Variants in NIPA2 observed in about 807,000 individuals in gnomAD.
NIPA2 encodes the protein NIPA magnesium transporter 2, also known as magnesium transporter NIPA2.
A neutral mutation model predicts 29.7 loss-of-function variants in NIPA2; 11 were observed. The observed-to-expected ratio is 0.37, with a 90% CI of 0.23 to 0.61. The LOEUF (loss-of-function observed/expected upper bound fraction) is 0.61, where lower values mean the gene tolerates loss of function less well. Ranked by LOEUF, NIPA2 falls within the 20% of genes least tolerant of loss-of-function variation. NIPA2 has a pLI of 0.66. For synonymous variants in NIPA2, 183 were observed against 161.9 expected (o/e 1.13, Z -0.99); for missense variants, 426 against 437.9 (o/e 0.97, Z 0.24).
chr15:22,863,919 G>GT (rs1266835820), intron 7 of NIPA2, among the ~76,000 whole-genome samples: 1 of 152,088 alleles, frequency 6.6e-6, no homozygotes, highest in African/African-American at 2.4e-5. Flanking sequence ...TTTGTTTGGG[G>GT]TTTTTTGTTG....
chr15:22,843,556 A>G (rs989867064), intron 2 of NIPA2, among the ~76,000 whole-genome samples: 1 of 151,812 alleles, frequency 6.6e-6, no homozygotes, highest in Non-Finnish European at 1.5e-5. Flanking sequence ...GGCCCTTACC[A>G]CATATCTTTT....
At chr15:22,838,972 T>G (rs1595664245) in intron 1 of NIPA2, 51 bp downstream of exon 1, 1 of 152,260 alleles carries the variant, frequency 6.6e-6, no homozygotes, top group East Asian at 1.9e-4. Flanking sequence ...GCTGACTTGG[T>G]GGCGAGCCAG....
rs762256872 is a variant in NIPA2, at chr15:22,851,745, G to A, written c.14G>A (p.Arg5His). Residue 5 changes from arginine (R) to histidine (H), a missense_variant, in exon 4 of 8, where the codon CGT (arginine) becomes CAT (histidine). By Grantham distance (29) the Arg-to-His change is conservative. Transcript: ENST00000337451. Reference protein sequence around the residue: MSQGRGKYDFYIGLG... With the variant: MSQGHGKYDFYIGLG... ...GTAACAAACGAAATGAGCCAGGGGCGTGGAAAATATGACTTCTATATTGGT... is the reference window on the plus strand; with the variant it reads ...GTAACAAACGAAATGAGCCAGGGGCATGGAAAATATGACTTCTATATTGGT... 33 of 1,610,944 alleles carry A rather than the reference G, an allele frequency of 2.0e-5. No individual in the cohort carries two copies. Among genetic ancestry groups the A allele is most frequent in the Non-Finnish European group, 2.7e-5 (32 of 1,178,940 alleles).
intron 2 of NIPA2, among the ~76,000 whole-genome samples, chr15:22,840,560 A>G (rs1233107619): frequency 6.6e-6 from 1 of 151,988 alleles, no homozygotes; most frequent in Non-Finnish European, 1.5e-5. Context: ...TCGACCCCCC[A>G]AAGTGCTGGG....
intron 2 of NIPA2, among the ~76,000 whole-genome samples, chr15:22,843,607 GT>G (rs112553178): frequency 5.3e-5 from 8 of 151,400 alleles, no homozygotes; most frequent in Non-Finnish European, 1.0e-4. Context: ...GCTGTGAAAA[GT>G]TTAAGGCTGT....
chr15:22,866,266 G>T lies in NIPA2; in HGVS notation c.502G>T (p.Val168Leu). ...VVIVALILIF[V>L]VGPRHGQTNI... Reference sequence around the variant, plus strand: ...CATTGTGGCCTTGATATTAATCTTCGTGGTGGGTCCTCGCCATGGACAGAC... The same window carrying T: ...CATTGTGGCCTTGATATTAATCTTCTTGGTGGGTCCTCGCCATGGACAGAC... The change falls in exon 8 of 8, where the codon GTG (valine) becomes TTG (leucine). Residue 168 changes from valine (V) to leucine (L), a missense_variant. This residue lies in a region of NIPA2 where 357 missense variants were observed against 339.8 expected (regional missense o/e 1.05). Coordinates refer to ENST00000337451, the MANE Select transcript of NIPA2 (RefSeq NM_030922.7). 1 of 1,613,730 alleles carries T rather than the reference G, an allele frequency of 6.2e-7. No homozygotes were observed. Among genetic ancestry groups the T allele is most frequent in the Middle Eastern group, 1.6e-4 (1 of 6,062 alleles).
intron 5 of NIPA2, among the ~76,000 whole-genome samples, 194 bp downstream of exon 5, chr15:22,853,462 C>T (rs2057930510): frequency 6.6e-6 from 1 of 151,688 alleles, no homozygotes; most frequent in African/African-American, 2.4e-5. Context: ...CAACCTCCAC[C>T]TCCTGGATTC....
intron 6 of NIPA2, among the ~76,000 whole-genome samples, chr15:22,858,906 A>G (rs1446367859): frequency 6.6e-6 from 1 of 152,196 alleles, no homozygotes; most frequent in Non-Finnish European, 1.5e-5. Flanking sequence ...GGCTGGGAAC[A>G]GTGGCTCATG....
chr15:22,854,158 T>C (rs2141283912), intron 5 of NIPA2, among the ~76,000 whole-genome samples: 1 of 150,844 alleles, frequency 6.6e-6, no homozygotes, highest in Non-Finnish European at 1.5e-5. Context: ...AGACACAGTC[T>C]TGCTCTGTTG....
chr15:22,864,949 C>T (rs374786591), intron 7 of NIPA2, among the ~76,000 whole-genome samples: 1 of 151,992 alleles, frequency 6.6e-6, no homozygotes, highest in East Asian at 2.0e-4. Flanking sequence ...GCAACCTCCA[C>T]CTCCCAGATT....
chr15:22,839,540 A>C (rs2140921436), intron 1 of NIPA2, 115 bp from the exon 2 acceptor site: 1 of 152,316 alleles, frequency 6.6e-6, no homozygotes, highest in East Asian at 1.9e-4. Flanking sequence ...TGCTCGATTG[A>C]GTAGGTTTTA....
intron 3 of NIPA2, among the ~76,000 whole-genome samples, chr15:22,845,896 A>AT (rs1898494232): frequency 6.6e-6 from 1 of 152,184 alleles, no homozygotes; most frequent in Non-Finnish European, 1.5e-5. Context: ...GGGAAAATAG[A>AT]TTTTAAATAG....
chr15:22,840,134 T>G (rs1287901002), intron 2 of NIPA2, among the ~76,000 whole-genome samples: 1 of 151,982 alleles, frequency 6.6e-6, no homozygotes, highest in Non-Finnish European at 1.5e-5. Flanking sequence ...TTACACCGGC[T>G]GGTCTCCTAA....
Position 22,868,369 on chromosome 15 carries a change from A to G in NIPA2, c.*1522A>G, listed in dbSNP as rs184726036. The G allele has an allele frequency of 6.6e-6, 1 of 152,278 alleles. No individual in the cohort carries two copies. The highest frequency in any genetic ancestry group is 1.9e-4 in the East Asian group (1 of 5,188). The allele number at this position is 152,278 out of a possible 1,614,324, so 9.4% of individuals were successfully genotyped here. ...GAACATGCATAGGTTAATAAATAAT[A>G]AATTCTTATTTAACATTTTGTAGCA... On this transcript the variant is annotated 3_prime_UTR_variant, in exon 8 of 8. Coordinates refer to ENST00000337451, the MANE Select transcript of NIPA2 (RefSeq NM_030922.7).
chr15:22,848,530 G>A (rs981315343), intron 3 of NIPA2, among the ~76,000 whole-genome samples: 1 of 151,816 alleles, frequency 6.6e-6, no homozygotes, highest in Non-Finnish European at 1.5e-5. Flanking sequence ...GGCTAATTAT[G>A]AATTATTCCA....
At chr15:22,863,856 T>C (rs2058786413) in intron 7 of NIPA2, among the ~76,000 whole-genome samples, 1 of 152,202 alleles carries the variant, frequency 6.6e-6, no homozygotes, top group Non-Finnish European at 1.5e-5. Flanking sequence ...GCCCTTTAAG[T>C]CCTGGCTACT....
chr15:22,846,646 C>T (rs556610619), intron 3 of NIPA2, among the ~76,000 whole-genome samples: 4 of 151,502 alleles, frequency 2.6e-5, no homozygotes, highest in African/African-American at 4.8e-5. Context: ...AACTCTGTAT[C>T]GACAAAAAAT....
chr15:22,855,644 G>A (rs758509401), intron 5 of NIPA2, among the ~76,000 whole-genome samples: 2 of 152,086 alleles, frequency 1.3e-5, no homozygotes, highest in Non-Finnish European at 2.9e-5. Flanking sequence ...ATGATAAATG[G>A]GAAGGAGAAG....
rs1422862550 is a variant in NIPA2 at position 22,854,020 on chromosome 15, G to T, written c.196+752G>T. ...TTTTTGTATTTTTAGTAGAGACAGG[G>T]ATTCACACGTTGGCCAGGCTGGTCT... On this transcript the variant is annotated intron_variant, in intron 5 of 7. Coordinates refer to ENST00000337451, the MANE Select transcript of NIPA2 (RefSeq NM_030922.7). Among the ~76,000 whole-genome samples, 4 of 151,234 alleles carry T rather than the reference G, an allele frequency of 2.6e-5. No homozygotes were observed. In the East Asian group the frequency reaches 8.1e-4, roughly 30 times the overall value.
Sources: gnomAD v4.1 joint callset for allele counts (sites outside exome capture counted in the v4.1 genomes callset) on GRCh38, gnomAD v4.1.1 for gene constraint, gnomAD v4.1.1 regional missense constraint, MANE v1.5 for transcripts, NCBI Gene and HGNC (gene_info 2026-07-23, HGNC 2026-07-21) for gene names.